Variants in NOX3 observed in about 807,000 individuals in gnomAD.
The protein encoded by NOX3 is NADPH oxidase 3, also known as NADPH oxidase catalytic subunit-like 3.
In NOX3, 74 loss-of-function variants were observed where a neutral mutation model predicts 76.7. That is an observed-to-expected ratio of 0.96 (90% CI 0.80 to 1.17). NOX3 has a LOEUF of 1.17. Among genes scored for constraint, NOX3 ranks in the 50% most tolerant of loss-of-function variants. The probability of loss-of-function intolerance (pLI) is 0.00; values close to 1 mark genes in which losing one functional copy is unlikely to be tolerated. For missense variants in NOX3, 695 were observed against 703.3 expected (o/e 0.99, Z 0.13); for synonymous variants, 263 against 261.1 (o/e 1.01, Z -0.07).
chr6:155,421,647 A>G (rs971010770), intron 10 of NOX3, among the ~76,000 whole-genome samples: 2 of 151,832 alleles, frequency 1.3e-5, no homozygotes, highest in Admixed American at 1.3e-4. Flanking sequence ...CACTGCTTTG[A>G]ACTCCCTAAT....
intron 13 of NOX3, 83 bp downstream of exon 13, chr6:155,396,726 G>A (rs1214620882): frequency 4.5e-6 from 5 of 1,121,990 alleles, no homozygotes; most frequent in African/African-American, 1.6e-5. Flanking sequence ...ACCATACAGT[G>A]CATAGAGCCT....
intron 12 of NOX3, among the ~76,000 whole-genome samples, chr6:155,403,724 G>T (rs1421141759): frequency 6.6e-6 from 1 of 152,088 alleles, no homozygotes; most frequent in South Asian, 2.1e-4. Flanking sequence ...TACTCCCTGC[G>T]AAAAAATTGG....
At chr6:155,415,317 CAG>C (rs1406217505) in intron 10 of NOX3, among the ~76,000 whole-genome samples, 2 of 152,202 alleles carry the variant, frequency 1.3e-5, no homozygotes, top group Non-Finnish European at 2.9e-5. Flanking sequence ...TATGAGAGCT[CAG>C]ACTCTCTAAT....
At chr6:155,430,803 A>C (rs1776821415) in intron 8 of NOX3, 40 bp downstream of exon 8, 1 of 1,416,452 alleles carries the variant, frequency 7.1e-7, no homozygotes, top group Admixed American at 1.9e-5. Context: ...ATTTTCATCT[A>C]CACTCAGGCT....
intron 12 of NOX3, among the ~76,000 whole-genome samples, chr6:155,398,798 C>G (rs1227026815): frequency 6.6e-6 from 1 of 152,136 alleles, no homozygotes; most frequent in African/African-American, 2.4e-5. Context: ...TCACAAAGCC[C>G]CCAGTTTCTC....
intron 12 of NOX3, among the ~76,000 whole-genome samples, chr6:155,402,599 G>T (rs1779246185): frequency 1.3e-5 from 2 of 151,766 alleles, no homozygotes; most frequent in Non-Finnish European, 2.9e-5. Context: ...GCAATTTTCT[G>T]GTTCCTTTAT....
At chr6:155,454,429 T>C (rs745879666) in intron 3 of NOX3, among the ~76,000 whole-genome samples, 27 of 152,248 alleles carry the variant, frequency 1.8e-4, no homozygotes, top group Non-Finnish European at 3.1e-4. Flanking sequence ...CTATGTACTG[T>C]GATTATGCTT....
rs9480130 is a variant in NOX3, at chr6:155,396,950, G to A, written c.1593C>T (p.Gly531=). The change falls in exon 13 of 14, where the codon GGC becomes GGT. Residue 531 remains glycine, a synonymous_variant. Coordinates refer to ENST00000159060, the MANE Select transcript of NOX3 (RefSeq NM_015718.3). The stretch of plus-strand genomic sequence containing the variant: ...GAGCTTTAGGTCCACAGAAGAACAC[G>A]CCAATACTGCTGCTGCAGTAGGGGT... The part of the protein sequence containing the change: ...IAYNHPSSSI[G]VFFCGPKALS... 8.7e-4 allele frequency: 1,407 copies of A among 1,609,298 alleles called. 4 individuals carry two copies. In the African/African-American group the frequency reaches 9.3e-3, roughly 11 times the overall value.
intron 4 of NOX3, among the ~76,000 whole-genome samples, chr6:155,450,276 C>T (rs1357240758): frequency 6.6e-6 from 1 of 152,128 alleles, no homozygotes; most frequent in Non-Finnish European, 1.5e-5. Context: ...GAGCACCCTG[C>T]TTTCTCTGGT....
chr6:155,425,347 A>G (rs1402863343), intron 9 of NOX3, among the ~76,000 whole-genome samples: 3 of 152,150 alleles, frequency 2.0e-5, no homozygotes, highest in Admixed American at 2.0e-4. Flanking sequence ...TATCACGTTT[A>G]TGCAGCTATC....
intron 10 of NOX3, among the ~76,000 whole-genome samples, chr6:155,421,355 G>C (rs1422918530): frequency 6.6e-6 from 1 of 152,148 alleles, no homozygotes; most frequent in Non-Finnish European, 1.5e-5. Flanking sequence ...ATGAGAAAAT[G>C]TATGTCAAGG....
intron 4 of NOX3, among the ~76,000 whole-genome samples, chr6:155,447,046 A>G (rs986425480): frequency 2.0e-5 from 3 of 151,034 alleles, no homozygotes; most frequent in African/African-American, 7.3e-5. Context: ...TATATTTTAT[A>G]ACTTTTTTTT....
chr6:155,446,869 C>T (rs897930415), intron 4 of NOX3, among the ~76,000 whole-genome samples: 1 of 152,096 alleles, frequency 6.6e-6, no homozygotes, highest in African/African-American at 2.4e-5. Flanking sequence ...GACTAGGGCA[C>T]TCCAGACAGG....
rs959602616 is a variant in NOX3, at chr6:155,455,092, T to C, written c.86A>G (p.Asp29Gly). The C allele has an allele frequency of 1.2e-6, 2 of 1,613,160 alleles. No homozygotes were observed. The highest frequency in any genetic ancestry group is 1.6e-4 in the Middle Eastern group (1 of 6,062). Residue 29 changes from aspartate to glycine, a missense_variant, in exon 2 of 14, where the codon GAC becomes GGC. Asp to Gly is a moderately conservative substitution (Grantham distance 94). Coordinates refer to ENST00000159060, the MANE Select transcript of NOX3 (RefSeq NM_015718.3). ...CTCCTCTTCATACCAGTAGAACGTG[T>C]CAATAAACAGATAAAAATTTATTCC... ...WLGINFYLFI[D>G]TFYWYEEEES...
intron 5 of NOX3, among the ~76,000 whole-genome samples, chr6:155,441,470 A>G (rs1020852192): frequency 1.3e-5 from 2 of 152,188 alleles, no homozygotes; most frequent in Non-Finnish European, 2.9e-5. Context: ...GCAAATCGCC[A>G]TGTCTCTTTC....
intron 4 of NOX3, among the ~76,000 whole-genome samples, chr6:155,452,466 CA>C (rs1267038804): frequency 3.3e-5 from 5 of 152,168 alleles, no homozygotes; most frequent in Non-Finnish European, 7.4e-5. Context: ...AGACCTTTTA[CA>C]AAGCAGTTCT....
intron 9 of NOX3, among the ~76,000 whole-genome samples, chr6:155,426,376 T>C (rs1020229084): frequency 3.3e-5 from 5 of 152,144 alleles, no homozygotes; most frequent in African/African-American, 9.7e-5. Context: ...TGTGGAGAGA[T>C]AGACAGTAAA....
chr6:155,432,731 C>A (rs866865762), intron 7 of NOX3, among the ~76,000 whole-genome samples: 2 of 152,232 alleles, frequency 1.3e-5, no homozygotes, highest in Middle Eastern at 3.4e-3. Context: ...CACAATTTGA[C>A]CCACTTATTT....
At chr6:155,450,424 A>G (rs549242846) in intron 4 of NOX3, among the ~76,000 whole-genome samples, 2 of 152,298 alleles carry the variant, frequency 1.3e-5, no homozygotes, top group Admixed American at 1.3e-4. Flanking sequence ...TACCATTCCC[A>G]GTGATTCCTT....
Sources: gnomAD v4.1 joint callset for allele counts (sites outside exome capture counted in the v4.1 genomes callset) on GRCh38, gnomAD v4.1.1 for gene constraint, MANE v1.5 for transcripts, NCBI Gene and HGNC (gene_info 2026-07-23, HGNC 2026-07-21) for gene names.